FGF13: variants seen among roughly 807,000 people sequenced by gnomAD.
FGF13 encodes fibroblast growth factor 13.
A neutral mutation model predicts 19.5 loss-of-function variants in FGF13; 2 were observed. The ratio of observed to expected loss-of-function variants is 0.10; its 90% CI spans 0.04 to 0.32. The LOEUF (loss-of-function observed/expected upper bound fraction) is 0.32, where lower values mean the gene tolerates loss of function less well. Ranked by LOEUF, FGF13 falls within the 10% of genes least tolerant of loss-of-function variation. The probability of loss-of-function intolerance (pLI) is 1.00; values close to 1 mark genes in which losing one functional copy is unlikely to be tolerated. For missense variants in FGF13, 113 were observed against 192.7 expected (o/e 0.59, Z 2.45); for synonymous variants, 72 against 76.9 (o/e 0.94, Z 0.33).
At chrX:138,811,234 G>A (rs778184110) in intron 3 of FGF13, among the ~76,000 whole-genome samples, 178 of 111,566 alleles carry the variant, frequency 1.6e-3, no homozygotes, top group African/African-American at 5.6e-3. Flanking sequence ...AGAAAATGTG[G>A]CACATATACA....
intron 1 of FGF13, among the ~76,000 whole-genome samples, chrX:138,983,942 T>C (rs1392973779): frequency 8.9e-6 from 1 of 111,848 alleles, no homozygotes; most frequent in Non-Finnish European, 1.9e-5. Context: ...TGCCTATAGT[T>C]ATCAATACAG....
rs1392334600 is a variant in FGF13, at chrX:138,617,654, G to A, written c.*15196C>T. 1 of 111,412 alleles carries A rather than the reference G, an allele frequency of 9.0e-6. No homozygotes were observed. The allele number at this position is 111,412 out of a possible 1,213,427, so 9.2% of individuals were successfully genotyped here. ...GTGAGAGAAAAAGAGAGTGAGAAGG[G>A]GATAGCTGGGCACAGTGACTCACAA... On this transcript the variant is annotated 3_prime_UTR_variant, in exon 5 of 5. Transcript: ENST00000315930.
At chrX:138,937,080 G>T (rs1234766666) in intron 1 of FGF13, among the ~76,000 whole-genome samples, 1 of 110,683 alleles carries the variant, frequency 9.0e-6, no homozygotes, top group Non-Finnish European at 1.9e-5. Flanking sequence ...TTCTTGAGAA[G>T]AAGTTTCCTC....
chrX:138,901,573 C>A (rs1198926475), intron 1 of FGF13, among the ~76,000 whole-genome samples: 1 of 111,490 alleles, frequency 9.0e-6, no homozygotes, highest in African/African-American at 3.3e-5. Flanking sequence ...AATCTCTGAG[C>A]CTTTGGATAT....
Position 138,971,068 on chromosome X carries a change from T to G in FGF13, c.-112-106418A>C, listed in dbSNP as rs145788890. 2.6e-3 allele frequency among the ~76,000 whole-genome samples: 293 copies of G among 111,622 alleles called. 2 individuals are homozygous for G. The highest frequency in any genetic ancestry group is 9.0e-3 in the African/African-American group (276 of 30,692). The stretch of plus-strand genomic sequence containing the variant: ...TTTCTAAGTTATGAAAAAGAATATA[T>G]GCAAATCTGGGGAGCACTGACCAAA... On this transcript the variant is annotated intron_variant, in intron 1 of 2. Coordinates refer to the FGF13 transcript ENST00000421460.
intron 1 of FGF13, among the ~76,000 whole-genome samples, chrX:138,959,849 C>A (rs962241818): frequency 9.0e-6 from 1 of 110,998 alleles, no homozygotes; most frequent in East Asian, 2.8e-4. Flanking sequence ...GCAACCCCTG[C>A]TTTTTTTTGT....
At chrX:139,157,113 C>A (rs751059816) in intron 1 of FGF13, among the ~76,000 whole-genome samples, 3 of 111,177 alleles carry the variant, frequency 2.7e-5, no homozygotes, top group Non-Finnish European at 5.7e-5. Flanking sequence ...TGATTATTAT[C>A]ATTATTATTA....
chrX:138,705,507 C>T (rs1349538337), intron 2 of FGF13, among the ~76,000 whole-genome samples: 2 of 112,057 alleles, frequency 1.8e-5, no homozygotes, highest in African/African-American at 3.2e-5. Context: ...GTACTTTTCA[C>T]TATGTACTTT....
chrX:138,804,165 A>G (rs936638497), intron 3 of FGF13, among the ~76,000 whole-genome samples: 1 of 111,573 alleles, frequency 9.0e-6, no homozygotes, highest in African/African-American at 3.3e-5. Flanking sequence ...TTTCTTTTTC[A>G]TTCACTTAAA....
intron 1 of FGF13, among the ~76,000 whole-genome samples, chrX:138,726,999 C>CCTACCA (rs2090190691): frequency 2.7e-5 from 3 of 111,130 alleles, no homozygotes; most frequent in African/African-American, 9.8e-5. Context: ...TTGGTAAGTG[C>CCTACCA]CTACCAAGTA....
rs890775185 is a variant in FGF13, at chrX:138,791,270, A to G, written c.217+66242T>C. Among the ~76,000 whole-genome samples, 23 of 111,925 alleles carry G rather than the reference A, an allele frequency of 2.1e-4. 1 individual carries two copies. Among genetic ancestry groups the G allele is most frequent in the African/African-American group, 6.5e-4 (20 of 30,788 alleles). Reference sequence around the variant, plus strand: ...CACTATGGCATCCTCAGATTTTGGTATCCACATTGTGGAGGGGGGTTCTAG... The same window carrying G: ...CACTATGGCATCCTCAGATTTTGGTGTCCACATTGTGGAGGGGGGTTCTAG... On this transcript the variant is annotated intron_variant, in intron 3 of 6. Coordinates refer to the FGF13 transcript ENST00000436198.
At chrX:138,872,674 T>C (rs946909605) in intron 1 of FGF13, among the ~76,000 whole-genome samples, 5 of 112,254 alleles carry the variant, frequency 4.5e-5, no homozygotes, top group Admixed American at 9.4e-5. Flanking sequence ...GTTTTTGATA[T>C]GAATCGCATT....
intron 1 of FGF13, among the ~76,000 whole-genome samples, chrX:139,195,966 G>C (rs1461368023): frequency 9.0e-6 from 1 of 111,693 alleles, no homozygotes; most frequent in Non-Finnish European, 1.9e-5. Context: ...AAAAAATCCA[G>C]AAATGAAAAT....
intron 1 of FGF13, among the ~76,000 whole-genome samples, chrX:139,070,360 C>A (rs1205095313): frequency 3.6e-5 from 4 of 111,952 alleles, no homozygotes; most frequent in Non-Finnish European, 7.5e-5. Context: ...ATTTATGCAG[C>A]CAACAAACAT....
At chrX:138,734,916 G>T (rs1266470106) in intron 1 of FGF13, among the ~76,000 whole-genome samples, 2 of 111,433 alleles carry the variant, frequency 1.8e-5, no homozygotes, top group East Asian at 5.7e-4. Flanking sequence ...AATTCCTCTA[G>T]GAGGCAATTG....
intron 3 of FGF13, among the ~76,000 whole-genome samples, chrX:138,690,912 T>G (rs1314855275): frequency 9.0e-6 from 1 of 111,663 alleles, no homozygotes; most frequent in Non-Finnish European, 1.9e-5. Flanking sequence ...ATGAATCTCC[T>G]TATGTATACT....
At position 138,859,558 on chromosome X, in the gene FGF13, G is replaced by C. The variant is rs111489328; in HGVS notation, c.-38-1879C>G. On this transcript the variant is annotated intron_variant, in intron 2 of 2. Coordinates refer to the FGF13 transcript ENST00000421460. ...TTCATTGCTCAGTACCAACAATGATGTCACAAATTGACATTTCTGGAGATT... is the reference window on the plus strand; with the variant it reads ...TTCATTGCTCAGTACCAACAATGATCTCACAAATTGACATTTCTGGAGATT... Among the ~76,000 whole-genome samples, 936 of 112,681 alleles carry C rather than the reference G, an allele frequency of 8.3e-3. 11 individuals carry two copies. Among genetic ancestry groups the C allele is most frequent in the African/African-American group, 0.028 (869 of 31,094 alleles).
At chrX:139,082,779 T>A (rs1275015389) in intron 1 of FGF13, among the ~76,000 whole-genome samples, 1 of 111,872 alleles carries the variant, frequency 8.9e-6, no homozygotes, top group Non-Finnish European at 1.9e-5. Flanking sequence ...TAATTTGTTA[T>A]GGCCATCCTA....
chrX:139,100,544 G>GA (rs1223103489), intron 1 of FGF13, among the ~76,000 whole-genome samples: 4 of 108,005 alleles, frequency 3.7e-5, no homozygotes, highest in Admixed American at 9.9e-5. Flanking sequence ...ACTACCAACT[G>GA]AAAAAAAAAC....
Sources: gnomAD v4.1 joint callset for allele counts (sites outside exome capture counted in the v4.1 genomes callset) on GRCh38, gnomAD v4.1.1 for gene constraint, MANE v1.5 for transcripts, NCBI Gene and HGNC (gene_info 2026-07-23, HGNC 2026-07-21) for gene names.